The following FABP6 variants were observed in gnomAD, a reference collection of about 807,000 sequenced individuals.
FABP6 encodes fatty acid binding protein 6, also known as gastrotropin.
Under a neutral mutation model 14.9 loss-of-function variants are expected in FABP6, and 13 were observed. The observed-to-expected ratio is 0.87, with a 90% CI of 0.57 to 1.39. FABP6 has a LOEUF of 1.39. FABP6 is among the 40% of genes most tolerant of loss of function. The probability of loss-of-function intolerance (pLI) is 0.00; values close to 1 mark genes in which losing one functional copy is unlikely to be tolerated. For synonymous variants in FABP6, 75 were observed against 63.6 expected, an observed-to-expected ratio of 1.18 and a Z score of -0.85; for missense variants, 161 against 167.2, an observed-to-expected ratio of 0.96 and a Z score of 0.20.
At chr5:160,192,039 T>C (rs888420939) in intron 1 of FABP6, among the ~76,000 whole-genome samples, 1 of 151,028 alleles carries the variant, frequency 6.6e-6, no homozygotes, top group African/African-American at 2.4e-5. Flanking sequence ...CTTGACCTCT[T>C]AAAGTGCTTT....
intron 3 of FABP6, among the ~76,000 whole-genome samples, chr5:160,220,401 G>A (rs1346155491): frequency 2.0e-5 from 3 of 152,096 alleles, no homozygotes; most frequent in African/African-American, 7.2e-5. Flanking sequence ...CTTGAGTCCA[G>A]GAGTTTGTGA....
At chr5:160,205,019 G>T (rs867190824) in intron 2 of FABP6, among the ~76,000 whole-genome samples, 5 of 152,084 alleles carry the variant, frequency 3.3e-5, no homozygotes, top group Non-Finnish European at 7.3e-5. Context: ...GCTTTTTGGG[G>T]ACCAGTGGTG....
In FABP6 at chr5:160,229,579, G is replaced by A. The variant is rs368440281; in HGVS notation, c.22G>A (p.Glu8Lys). The A allele has an allele frequency of 6.2e-6, 10 of 1,614,040 alleles. No individual in the cohort carries two copies. Among genetic ancestry groups the A allele is most frequent in the Middle Eastern group, 3.3e-4 (2 of 6,062 alleles). ...CAGCATGGCTTTCACCGGCAAGTTC[G>A]AGATGGAGAGTGAGAAGAATTATGA... MAFTGKF[E>K]MESEKNYDEF... The change falls in exon 1 of 4, where the codon GAG becomes AAG. Residue 8 changes from glutamate (E) to lysine (K), a missense_variant. Coordinates refer to ENST00000402432, the MANE Select transcript of FABP6 (RefSeq NM_001445.3).
At chr5:160,215,656 C>G (rs1359551709) in intron 3 of FABP6, among the ~76,000 whole-genome samples, 1 of 149,766 alleles carries the variant, frequency 6.7e-6, no homozygotes, top group Non-Finnish European at 1.5e-5. Flanking sequence ...CCACTGTACT[C>G]CAGTTTGGGT....
At chr5:160,206,242 C>A (rs972171865) in intron 2 of FABP6, among the ~76,000 whole-genome samples, 2 of 152,060 alleles carry the variant, frequency 1.3e-5, no homozygotes, top group African/African-American at 2.4e-5. Context: ...CCAACCTGGC[C>A]AACATGGGGA....
chr5:160,216,312 G>C (rs914488694), intron 3 of FABP6, among the ~76,000 whole-genome samples: 18 of 150,458 alleles, frequency 1.2e-4, no homozygotes, highest in African/African-American at 4.2e-4. Flanking sequence ...CTGTCACCCA[G>C]GCTGGAGTGC....
chr5:160,194,130 C>A (rs562577802), intron 1 of FABP6, among the ~76,000 whole-genome samples: 1 of 152,346 alleles, frequency 6.6e-6, no homozygotes, highest in South Asian at 2.1e-4. Context: ...TCCGCAGCCG[C>A]TGGCCCAGGT....
Position 160,230,675 on chromosome 5 carries a change from T to C in FABP6, c.67+1051T>C, listed in dbSNP as rs146768247. Among the ~76,000 whole-genome samples, 3 of 152,122 alleles carry C rather than the reference T, an allele frequency of 2.0e-5. No individual in the cohort carries two copies. In the South Asian group the frequency reaches 6.2e-4, roughly 32 times the overall value. On this transcript the variant is annotated intron_variant, in intron 1 of 3. Coordinates refer to ENST00000402432, the MANE Select transcript of FABP6 (RefSeq NM_001445.3). The stretch of plus-strand genomic sequence containing the variant: ...CCGAGCCCAGCCCATCAAACATTTA[T>C]TGAACACCAGCTATATGCAAGGCTA...
intron 3 of FABP6, among the ~76,000 whole-genome samples, chr5:160,218,760 C>CTT (rs78224307): frequency 5.7e-5 from 8 of 139,950 alleles, no homozygotes; most frequent in Non-Finnish European, 6.2e-5. Context: ...TGCGCCTGGC[C>CTT]TTTTTTTTTT....
chr5:160,228,643 A>C, upstream of FABP6: 1 of 426,656 alleles, frequency 2.3e-6, no homozygotes, highest in Non-Finnish European at 4.7e-6. Flanking sequence ...CATCCAGCCC[A>C]GTGCCTGGTG....
At chr5:160,213,714 G>T (rs1440074912) in intron 2 of FABP6, 15 of 1,612,002 alleles carry the variant, frequency 9.3e-6, no homozygotes, top group Non-Finnish European at 1.3e-5. Flanking sequence ...AGGCCAATCA[G>T]ATTATTTCTC....
chr5:160,188,523 T>G (rs969984782), intron 1 of FABP6, among the ~76,000 whole-genome samples: 1 of 152,096 alleles, frequency 6.6e-6, no homozygotes, highest in Non-Finnish European at 1.5e-5. Flanking sequence ...GCGCCTCCCC[T>G]TTCCCGCTGG....
intron 3 of FABP6, among the ~76,000 whole-genome samples, chr5:160,224,166 G>T (rs1760194778): frequency 6.6e-6 from 1 of 152,132 alleles, no homozygotes; most frequent in South Asian, 2.1e-4. Flanking sequence ...AACCCAGGAG[G>T]TGAAGCTTGC....
upstream of FABP6, among the ~76,000 whole-genome samples, chr5:160,226,202 G>A (rs1343671122): frequency 1.3e-5 from 2 of 151,756 alleles, no homozygotes; most frequent in Non-Finnish European, 2.9e-5. Flanking sequence ...AATAAAAGCA[G>A]TTTGCTTGTA....
At chr5:160,230,384 G>A (rs964104612) in intron 1 of FABP6, among the ~76,000 whole-genome samples, 5 of 149,718 alleles carry the variant, frequency 3.3e-5, no homozygotes, top group East Asian at 2.0e-4. Flanking sequence ...TTTTTGAGAC[G>A]GAGTCTTGCT....
chr5:160,208,876 A>G (rs62379611), intron 2 of FABP6, among the ~76,000 whole-genome samples: 60,554 of 150,482 alleles, frequency 0.4, 12,266 homozygotes, highest in Non-Finnish European at 0.42. Context: ...TCCCGGATTC[A>G]AGCAATTCTC....
intron 2 of FABP6, among the ~76,000 whole-genome samples, chr5:160,209,851 C>A (rs7722329): frequency 6.6e-6 from 1 of 152,310 alleles, no homozygotes; most frequent in South Asian, 2.1e-4. Context: ...GCGTCCAGCC[C>A]TTTTCTATGT....
In FABP6 at chr5:160,202,333, C is replaced by T. The variant is rs144601992; in HGVS notation, c.51+3176C>T. Among the ~76,000 whole-genome samples, 54 of 152,240 alleles carry T rather than the reference C, an allele frequency of 3.5e-4. No homozygotes were observed. In the East Asian group the frequency reaches 7.0e-3, roughly 20 times the overall value. On this transcript the variant is annotated intron_variant, in intron 2 of 6. Transcript: ENST00000393980. ...TTATTTCCACTTAACTCTTCAAAAA[C>T]TTTTTTCTCTTATGAAGAAACTCAA...
intron 2 of FABP6, 152 bp from the exon 3 acceptor site, chr5:160,234,668 C>A: frequency 2.7e-6 from 1 of 372,990 alleles, no homozygotes; most frequent in Admixed American, 4.5e-5. Context: ...CTCAAGTGAT[C>A]CGCCTGCCTC....
Sources: allele counts gnomAD v4.1 joint callset (sites outside exome capture counted in the v4.1 genomes callset), GRCh38; gene constraint gnomAD v4.1.1; transcripts MANE v1.5; gene names NCBI Gene and HGNC (gene_info 2026-07-23, HGNC 2026-07-21).